Variants in FAT3 observed in about 807,000 individuals in gnomAD.
FAT3 encodes the protein FAT atypical cadherin 3.
A neutral mutation model predicts 310.2 loss-of-function variants in FAT3; 95 were observed. That is an observed-to-expected ratio of 0.31 (90% CI 0.26 to 0.36). The LOEUF is 0.36. FAT3 is among the 10% of genes least tolerant of loss of function. FAT3 has a pLI of 1.00. For missense variants in FAT3, 5,408 were observed against 5,715.6 expected (o/e 0.95, Z 1.74); for synonymous variants, 2,314 against 2,192.9 (o/e 1.06, Z -1.54).
chr11:92,279,116 A>G (rs1271958834), intron 1 of FAT3, among the ~76,000 whole-genome samples: 1 of 152,188 alleles, frequency 6.6e-6, no homozygotes, highest in Non-Finnish European at 1.5e-5. Context: ...AAATTACATT[A>G]CTAAACCTTT....
chr11:92,289,500 TACACACACAC>T (rs10562084), intron 1 of FAT3, among the ~76,000 whole-genome samples: 25 of 144,336 alleles, frequency 1.7e-4, no homozygotes, highest in South Asian at 4.5e-4. Context: ...CCATGATAGA[TACACACACAC>T]ACACACACAC....
chr11:92,793,044 C>T (rs1228319605), intron 9 of FAT3, 67 bp downstream of exon 9: 1 of 1,492,228 alleles, frequency 6.7e-7, no homozygotes, highest in African/African-American at 1.4e-5. Flanking sequence ...TAGTATTTAT[C>T]ACCATGTAAA....
intron 6 of FAT3, among the ~76,000 whole-genome samples, chr11:92,765,895 C>T (rs886374901): frequency 1.3e-5 from 2 of 151,466 alleles, no homozygotes; most frequent in African/African-American, 4.9e-5. Context: ...TGGGCCTTTT[C>T]CAATGGAAAA....
intron 3 of FAT3, among the ~76,000 whole-genome samples, chr11:92,668,454 G>A (rs1169300016): frequency 1.3e-5 from 2 of 152,148 alleles, no homozygotes; most frequent in Non-Finnish European, 2.9e-5. Flanking sequence ...CAATTCACAT[G>A]GGCCTAACAC....
intron 2 of FAT3, among the ~76,000 whole-genome samples, chr11:92,368,931 CAT>C (rs781526503): frequency 3.4e-5 from 5 of 146,318 alleles, no homozygotes; most frequent in African/African-American, 1.3e-4. Context: ...TATATACACA[CAT>C]ATATATATAC....
intron 3 of FAT3, among the ~76,000 whole-genome samples, chr11:92,682,289 A>G (rs1208655242): frequency 6.6e-6 from 1 of 152,228 alleles, no homozygotes; most frequent in African/African-American, 2.4e-5. Context: ...TGCCTGCCAC[A>G]TAGGGAATAC....
intron 2 of FAT3, among the ~76,000 whole-genome samples, chr11:92,373,006 G>A (rs1488309007): frequency 6.6e-6 from 1 of 152,082 alleles, no homozygotes; most frequent in Non-Finnish European, 1.5e-5. Flanking sequence ...GCAAGTATCC[G>A]AAGTCAGAGT....
At chr11:92,670,102 G>T (rs1239382109) in intron 3 of FAT3, among the ~76,000 whole-genome samples, 1 of 152,168 alleles carries the variant, frequency 6.6e-6, no homozygotes, top group African/African-American at 2.4e-5. Flanking sequence ...TAAAAGTGCT[G>T]TTAATATTTT....
At chr11:92,399,133 A>G (rs564691851) in intron 2 of FAT3, among the ~76,000 whole-genome samples, 1 of 152,314 alleles carries the variant, frequency 6.6e-6, no homozygotes, top group Admixed American at 6.5e-5. Context: ...TAGCAATTAC[A>G]TACACATATA....
intron 21 of FAT3, among the ~76,000 whole-genome samples, chr11:92,862,068 T>G (rs1434560761): frequency 6.6e-6 from 1 of 152,194 alleles, no homozygotes; most frequent in Non-Finnish European, 1.5e-5. Context: ...CAAAAGAAAT[T>G]CAAGGCTTAC....
intron 19 of FAT3, among the ~76,000 whole-genome samples, chr11:92,855,998 T>TTTTTTTG (rs1948967952): frequency 6.7e-6 from 1 of 149,874 alleles, no homozygotes; most frequent in Non-Finnish European, 1.5e-5. Flanking sequence ...TTTTTTTTTT[T>TTTTTTTG]GAGACAGGGT....
chr11:92,855,002 A>G (rs1003178369), intron 19 of FAT3, among the ~76,000 whole-genome samples: 2 of 152,222 alleles, frequency 1.3e-5, no homozygotes, highest in Non-Finnish European at 2.9e-5. Flanking sequence ...AGTAACTCAG[A>G]AGTTACATCT....
At chr11:92,256,000 A>C (rs531970385) in intron 1 of FAT3, among the ~76,000 whole-genome samples, 1 of 152,102 alleles carries the variant, frequency 6.6e-6, no homozygotes, top group African/African-American at 2.4e-5. Context: ...AGAGTGTTGC[A>C]CTCTGCTGTA....
At chr11:92,768,804 G>A (rs1946387401) in intron 6 of FAT3, among the ~76,000 whole-genome samples, 1 of 152,114 alleles carries the variant, frequency 6.6e-6, no homozygotes, top group African/African-American at 2.4e-5. Flanking sequence ...CCTTGCCTAG[G>A]TAAATACTCT....
At chr11:92,351,313 G>A (rs537889440) in intron 1 of FAT3, among the ~76,000 whole-genome samples, 7 of 151,998 alleles carry the variant, frequency 4.6e-5, no homozygotes, top group African/African-American at 1.4e-4. Context: ...AATAAAAGAT[G>A]GTAATACCTT....
At chr11:92,368,915 C>CAT (rs997459188) in intron 2 of FAT3, among the ~76,000 whole-genome samples, 20 of 127,270 alleles carry the variant, frequency 1.6e-4, no homozygotes, top group East Asian at 1.2e-3. Flanking sequence ...TATATATACA[C>CAT]ATATATATAT....
intron 2 of FAT3, among the ~76,000 whole-genome samples, chr11:92,496,118 G>T (rs1952751409): frequency 6.6e-6 from 1 of 151,944 alleles, no homozygotes; most frequent in Admixed American, 6.6e-5. Context: ...GGGTCACTTG[G>T]CCAGCACATA....
chr11:92,566,316 A>G (rs1203723835), intron 3 of FAT3, among the ~76,000 whole-genome samples: 1 of 152,182 alleles, frequency 6.6e-6, no homozygotes, highest in Non-Finnish European at 1.5e-5. Context: ...ATACCTAGGA[A>G]TCTACCTTAC....
At chr11:92,508,768 G>C (rs1390965448) in intron 2 of FAT3, among the ~76,000 whole-genome samples, 2 of 152,102 alleles carry the variant, frequency 1.3e-5, no homozygotes, top group Non-Finnish European at 2.9e-5. Flanking sequence ...CAAATGCTTA[G>C]AGACTCCAGA....
Sources: allele counts gnomAD v4.1 joint callset (sites outside exome capture counted in the v4.1 genomes callset), GRCh38; gene constraint gnomAD v4.1.1; transcripts MANE v1.5; gene names NCBI Gene and HGNC (gene_info 2026-07-23, HGNC 2026-07-21).